PCDHGA1: variants seen among roughly 807,000 people sequenced by gnomAD.
PCDHGA1 encodes protocadherin gamma-A1.
PCDHGA1 carries 32 observed loss-of-function variants against 58.0 expected under a neutral mutation model. That is an observed-to-expected ratio of 0.55 (90% CI 0.42 to 0.74). The LOEUF is 0.74. Among genes scored for constraint, PCDHGA1 ranks in the 30% least tolerant of loss-of-function variants. PCDHGA1 has a pLI of 0.00. For synonymous variants in PCDHGA1, 498 were observed against 501.1 expected (o/e 0.99, Z 0.08); for missense variants, 1,205 against 1,182.3 (o/e 1.02, Z -0.28).
intron 1 of PCDHGA1, chr5:141,357,807 T>C: frequency 2.6e-6 from 2 of 772,824 alleles, no homozygotes; most frequent in Non-Finnish European, 4.0e-6. Flanking sequence ...AAATGTTGTT[T>C]ATTACTTATC....
intron 1 of PCDHGA1, among the ~76,000 whole-genome samples, chr5:141,466,994 T>C (rs944607423): frequency 6.6e-6 from 1 of 152,176 alleles, no homozygotes; most frequent in African/African-American, 2.4e-5. Flanking sequence ...CTTTTGGCAT[T>C]TTTTTGCAAT....
At position 141,338,901 on chromosome 5, in the gene PCDHGA1, C is replaced by T. The variant is rs948229702; in HGVS notation, c.2421+5796C>T. 1.4e-5 allele frequency: 21 copies of T among 1,491,032 alleles called. No homozygotes were observed. The African/African-American group carries it at 2.8e-4, about 20-fold the overall frequency. 92.4% of individuals were successfully genotyped at this position (1,491,032 alleles called of 1,614,324 possible). A position where few individuals can be genotyped will look rare whatever the true frequency, so the allele number is the denominator to read the frequency against. The stretch of plus-strand genomic sequence containing the variant: ...CCGTGAATGCTGGTTATCTCACACC[C>T]TGAGGAATAAAGATTGGAATCCGCA... On this transcript the variant is annotated intron_variant, in intron 1 of 3. Coordinates refer to ENST00000517417, the MANE Select transcript of PCDHGA1 (RefSeq NM_018912.3).
At chr5:141,376,195 C>T (rs1312737468) in intron 1 of PCDHGA1, 3 of 1,614,172 alleles carry the variant, frequency 1.9e-6, no homozygotes, top group Admixed American at 1.7e-5. Flanking sequence ...CCTGCGTCTT[C>T]CTGGCCTTCG....
At chr5:141,428,750 C>G (rs1282306626) in intron 1 of PCDHGA1, 1 of 154,730 alleles carries the variant, frequency 6.5e-6, no homozygotes, top group African/African-American at 2.4e-5. Flanking sequence ...ACTATTGCTT[C>G]AGGTTTGTTT....
At chr5:141,454,181 G>A (rs1290295830) in intron 1 of PCDHGA1, among the ~76,000 whole-genome samples, 1 of 152,200 alleles carries the variant, frequency 6.6e-6, no homozygotes, top group Non-Finnish European at 1.5e-5. Context: ...GCAGCTAAAG[G>A]AGCTTAGTGA....
At chr5:141,398,356 G>A (rs1242233046) in intron 1 of PCDHGA1, 2 of 1,409,378 alleles carry the variant, frequency 1.4e-6, no homozygotes, top group South Asian at 1.2e-5. Context: ...TTACTTCACC[G>A]TGAGCGCAGA....
At chr5:141,386,407 G>T (rs2090565915) in intron 1 of PCDHGA1, among the ~76,000 whole-genome samples, 1 of 152,034 alleles carries the variant, frequency 6.6e-6, no homozygotes, top group Non-Finnish European at 1.5e-5. Flanking sequence ...GCCAGGTATG[G>T]TGTTGCAAGC....
At chr5:141,435,994 G>T (rs1007093302) in intron 1 of PCDHGA1, among the ~76,000 whole-genome samples, 18 of 152,046 alleles carry the variant, frequency 1.2e-4, no homozygotes, top group Admixed American at 1.2e-3. Context: ...GTGATTTTTT[G>T]AAAGAAAGTA....
In PCDHGA1 at chr5:141,477,031, A is replaced by C; in HGVS notation, c.2422-17776A>C. Reference sequence around the variant, plus strand: ...TAGACCTTGTAACCGGGATGCTGACAATCAAGGGTCGGCTGGACTTCGAGG... The same window carrying C: ...TAGACCTTGTAACCGGGATGCTGACCATCAAGGGTCGGCTGGACTTCGAGG... On this transcript the variant is annotated intron_variant, in intron 1 of 3. Coordinates refer to ENST00000517417, the MANE Select transcript of PCDHGA1 (RefSeq NM_018912.3). This position sits in a 1 kb window ranked among gnomAD's most constrained non-coding sequence, Gnocchi z 4.9. The C allele has an allele frequency of 6.2e-7, 1 of 1,614,248 alleles. No individual in the cohort carries two copies. Among genetic ancestry groups the C allele is most frequent in the Non-Finnish European group, 8.5e-7 (1 of 1,180,040 alleles).
chr5:141,430,997 C>T, intron 1 of PCDHGA1: 1 of 1,613,926 alleles, frequency 6.2e-7, no homozygotes, highest in Non-Finnish European at 8.5e-7. Context: ...CCTGAATCCG[C>T]GCAGCGGCAG....
intron 1 of PCDHGA1, chr5:141,415,759 T>TTG (rs2095938229): frequency 3.7e-6 from 5 of 1,352,054 alleles, no homozygotes; most frequent in Non-Finnish European, 4.8e-6. Flanking sequence ...TTTTTTTTTT[T>TTG]TTTTTTTTTT....
At chr5:141,375,449 TC>T in intron 1 of PCDHGA1, 1 of 1,613,978 alleles carries the variant, frequency 6.2e-7, no homozygotes, top group Non-Finnish European at 8.5e-7. Context: ...CCCCCATTCA[TC>T]CTACTCAGTC....
intron 1 of PCDHGA1, chr5:141,374,678 A>C (rs753625335): frequency 1.2e-6 from 2 of 1,610,496 alleles, no homozygotes; most frequent in Admixed American, 1.7e-5. Flanking sequence ...GCTGGAGGGC[A>C]CACTGGACCG....
rs569220332 is a variant in PCDHGA1, at chr5:141,475,688, A to G, written c.2422-19119A>G. 2.0e-5 allele frequency among the ~76,000 whole-genome samples: 3 copies of G among 152,330 alleles called. No homozygotes were observed. In the South Asian group the frequency reaches 6.2e-4, roughly 32 times the overall value. On this transcript the variant is annotated intron_variant, in intron 1 of 3. Coordinates refer to ENST00000517417, the MANE Select transcript of PCDHGA1 (RefSeq NM_018912.3). ...TTTAATGAGTCTTGATTTGGATTGG[A>G]GACTTGCAGAACGGCTAGCCTCACA...
At chr5:141,346,336 T>A (rs1210263580) in intron 1 of PCDHGA1, 1 of 1,614,222 alleles carries the variant, frequency 6.2e-7, no homozygotes, top group Non-Finnish European at 8.5e-7. Context: ...AAGAGCCACC[T>A]GATTTTCCCC....
At position 141,334,773 on chromosome 5, in the gene PCDHGA1, T is replaced by G. The variant is rs983427678; in HGVS notation, c.2421+1668T>G. On this transcript the variant is annotated intron_variant, in intron 1 of 3. Coordinates refer to ENST00000517417, the MANE Select transcript of PCDHGA1 (RefSeq NM_018912.3). This position sits in a 1 kb window ranked among gnomAD's most constrained non-coding sequence, Gnocchi z 4.6. ...GTATCCAGAATATCACTGCTGTGCATCATTAAAGCGTCATTAAGAGACCTA... is the reference window on the plus strand; with the variant it reads ...GTATCCAGAATATCACTGCTGTGCAGCATTAAAGCGTCATTAAGAGACCTA... 1 of 152,154 alleles carries G rather than the reference T, an allele frequency of 6.6e-6. No individual in the cohort carries two copies. Among genetic ancestry groups the G allele is most frequent in the Non-Finnish European group, 1.5e-5 (1 of 68,030 alleles). The allele number at this position is 152,154 out of a possible 1,614,324, so 9.4% of individuals were successfully genotyped here.
At chr5:141,498,796 G>A (rs1160540093) in intron 2 of PCDHGA1, among the ~76,000 whole-genome samples, 1 of 152,032 alleles carries the variant, frequency 6.6e-6, no homozygotes, top group Non-Finnish European at 1.5e-5. Context: ...AGCCAGGTGT[G>A]GTGGTGCACA....
chr5:141,423,929 G>C, intron 1 of PCDHGA1: 1 of 1,236,074 alleles, frequency 8.1e-7, no homozygotes, highest in East Asian at 3.5e-5. Flanking sequence ...TGCTGGTTTG[G>C]TTTGAAGTAA....
At chr5:141,389,787 G>C (rs761543632) in intron 1 of PCDHGA1, 3 of 1,613,328 alleles carry the variant, frequency 1.9e-6, no homozygotes, top group Non-Finnish European at 2.5e-6. Context: ...CGACAGGGAC[G>C]CCGTCCGCCA....
Sources: gnomAD v4.1 joint callset for allele counts (sites outside exome capture counted in the v4.1 genomes callset) on GRCh38, gnomAD v4.1.1 for gene constraint, Gnocchi (gnomAD v3.1) non-coding constraint, MANE v1.5 for transcripts, NCBI Gene and HGNC (gene_info 2026-07-23, HGNC 2026-07-21) for gene names.